The following SPAG5 variants were observed in gnomAD, a reference collection of about 807,000 sequenced individuals.
SPAG5 encodes the protein sperm associated antigen 5, also known as sperm-associated antigen 5.
SPAG5 carries 99 observed loss-of-function variants against 145.4 expected under a neutral mutation model. The ratio of observed to expected loss-of-function variants is 0.68; its 90% CI spans 0.58 to 0.80. The LOEUF (loss-of-function observed/expected upper bound fraction) is 0.80, where lower values mean the gene tolerates loss of function less well. Among genes scored for constraint, SPAG5 ranks in the 30% least tolerant of loss-of-function variants. The probability of loss-of-function intolerance (pLI) is 0.00; values close to 1 mark genes in which losing one functional copy is unlikely to be tolerated. For missense variants in SPAG5, 1,192 were observed against 1,416.0 expected (o/e 0.84, Z 2.54); for synonymous variants, 477 against 525.4 (o/e 0.91, Z 1.26).
chr17:28,598,980 A>G lies in SPAG5; in HGVS notation c.-34T>C, dbSNP rs2070690391. 4 of 1,609,988 alleles carry G rather than the reference A, an allele frequency of 2.5e-6. No individual in the cohort carries two copies. The highest frequency in any genetic ancestry group is 3.4e-6 in the Non-Finnish European group (4 of 1,176,430). On this transcript the variant is annotated 5_prime_UTR_variant, in exon 1 of 24. Transcript: ENST00000321765. The stretch of plus-strand genomic sequence containing the variant: ...AGAAGGCAGGCCTATCACGTCTCAG[A>G]CCAAGTCGAGGACGCCATGTTCACC...
At chr17:28,586,248 G>A in intron 5 of SPAG5, 66 bp from the exon 6 acceptor site, 1 of 1,411,494 alleles carries the variant, frequency 7.1e-7, no homozygotes, top group Middle Eastern at 1.8e-4. Context: ...GGGGCACTGG[G>A]GAGGAAAACC....
Position 28,585,401 on chromosome 17 carries a change from T to A in SPAG5, c.1871A>T (p.His624Leu), listed in dbSNP as rs1316345262. The stretch of plus-strand genomic sequence containing the variant: ...CTGAACCAGCTCTTCTTGCTTGGCA[T>A]GAAGCCCTACCTACAAAAGAAAGAT... ...KDAQTQLVGLHAKQEELVQQT... is the reference protein window; with the variant it reads ...KDAQTQLVGLLAKQEELVQQT... The change falls in exon 9 of 24, where the codon CAT becomes CTT. Residue 624 changes from histidine to leucine, a missense_variant. Physicochemically the swap from His to Leu is moderately conservative, Grantham distance 99. Coordinates refer to ENST00000321765, the MANE Select transcript of SPAG5 (RefSeq NM_006461.4). 1 of 1,614,222 alleles carries A rather than the reference T, an allele frequency of 6.2e-7. No individual in the cohort carries two copies. Among genetic ancestry groups the A allele is most frequent in the Non-Finnish European group, 8.5e-7 (1 of 1,180,032 alleles).
chr17:28,582,130 G>C (rs1755951756), intron 15 of SPAG5, among the ~76,000 whole-genome samples: 1 of 151,954 alleles, frequency 6.6e-6, no homozygotes, highest in Admixed American at 6.6e-5. Context: ...TCAAAATCTG[G>C]CCTCCTGCCT....
Position 28,592,657 on chromosome 17 carries a change from TCCTGAAAGATA to T in SPAG5, c.576_586del (p.Phe194SerfsTer15). On this transcript the variant is annotated frameshift_variant, in exon 3 of 24. Transcript: ENST00000321765. LOFTEE classifies it high-confidence loss of function. ...CTCCTCTAAGAGATGGGACGGAGAT[TCCTGAAAGATA>T]GGTTTCTCAGATACAGCAGCAACTT... 6.2e-7 allele frequency: 1 copy of T among 1,614,138 alleles called. No homozygotes were observed. The highest frequency in any genetic ancestry group is 8.5e-7 in the Non-Finnish European group (1 of 1,180,028).
chr17:28,577,938 G>T, intron 23 of SPAG5, 72 bp downstream of exon 23: 7 of 1,360,626 alleles, frequency 5.1e-6, no homozygotes, highest in Non-Finnish European at 7.4e-6. Context: ...CCAGATCTGT[G>T]CTCATTAGTA....
At chr17:28,581,063 G>C (rs1024842300) in intron 15 of SPAG5, among the ~76,000 whole-genome samples, 14 of 152,140 alleles carry the variant, frequency 9.2e-5, no homozygotes, top group Non-Finnish European at 1.6e-4. Context: ...AGCAGGGAGA[G>C]GGAAGGCTAG....
Position 28,585,896 on chromosome 17 carries a change from T to C in SPAG5, c.1708A>G (p.Arg570Gly). The change falls in exon 7 of 24, where the codon AGA becomes GGA. Residue 570 changes from arginine to glycine, a missense_variant. Arg to Gly is a moderately radical substitution (Grantham distance 125). Around this residue, in one of 5 missense-constraint regions of SPAG5, gnomAD observed 709 missense variants for 840.7 expected, o/e 0.84. Coordinates refer to ENST00000321765, the MANE Select transcript of SPAG5 (RefSeq NM_006461.4). ...TTGCCTCTGAGAGCCATTTCCTCTCTGTGCCTTGCCTCCTCCCTTTCTGCT... is the reference window on the plus strand; with the variant it reads ...TTGCCTCTGAGAGCCATTTCCTCTCCGTGCCTTGCCTCCTCCCTTTCTGCT... The part of the protein sequence containing the change: ...LKAEREEARH[R>G]EEMALRGKDA... 6.2e-7 allele frequency: 1 copy of C among 1,614,256 alleles called. No homozygotes were observed. The highest frequency in any genetic ancestry group is 1.3e-5 in the African/African-American group (1 of 75,068).
intron 2 of SPAG5, among the ~76,000 whole-genome samples, chr17:28,595,041 C>A (rs1019862172): frequency 4.6e-5 from 7 of 151,896 alleles, no homozygotes; most frequent in African/African-American, 1.5e-4. Context: ...GGTCAGATCA[C>A]AAGGTCAGGA....
At position 28,585,879 on chromosome 17, in the gene SPAG5, G is replaced by A. The variant is rs746264585; in HGVS notation, c.1725C>T (p.Leu575=). The stretch of plus-strand genomic sequence containing the variant: ...GTCACCTTACCGCATCCTTGCCTCT[G>A]AGAGCCATTTCCTCTCTGTGCCTTG... The part of the protein sequence containing the change: ...EEARHREEMA[L]RGKDAAEIVL... Residue 575 remains leucine (L), a synonymous_variant, in exon 7 of 24, where the codon CTC becomes CTT. Transcript: ENST00000321765. The A allele has an allele frequency of 1.2e-6, 2 of 1,614,074 alleles. No individual in the cohort carries two copies. The highest frequency in any genetic ancestry group is 1.7e-6 in the Non-Finnish European group (2 of 1,180,040).
Position 28,592,111 on chromosome 17 carries a change from G to A in SPAG5, c.1133C>T (p.Pro378Leu). Residue 378 changes from proline to leucine, a missense_variant, in exon 3 of 24, where the codon CCT becomes CTT. Pro to Leu is a moderately conservative substitution (Grantham distance 98). Coordinates refer to ENST00000321765, the MANE Select transcript of SPAG5 (RefSeq NM_006461.4). ...AGTCCCCACCGAGCAAGTAGAGAAAGGGGTAGTGCCAATTGCAGCATCCCG... is the reference window on the plus strand; with the variant it reads ...AGTCCCCACCGAGCAAGTAGAGAAAAGGGTAGTGCCAATTGCAGCATCCCG... ...MLRDAAIGTT[P>L]FSTCSVGTWF... 1 of 1,614,186 alleles carries A rather than the reference G, an allele frequency of 6.2e-7. No homozygotes were observed. Among genetic ancestry groups the A allele is most frequent in the Non-Finnish European group, 8.5e-7 (1 of 1,180,028 alleles).
rs1177307669 is a variant in SPAG5, at chr17:28,592,521, CAAG to C, written c.720_722del (p.Phe240del). 1 of 1,614,176 alleles carries C rather than the reference CAAG, an allele frequency of 6.2e-7. No homozygotes were observed. The highest frequency in any genetic ancestry group is 8.5e-7 in the Non-Finnish European group (1 of 1,180,036). ...GGGAAAGCCAGAGAACAGAGGAAGG[CAAG>C]AAGGCGTTACTTTCAGAAGGTACTA... is the stretch of plus-strand genomic sequence containing the variant. On this transcript the variant is annotated inframe_deletion, in exon 3 of 24. Transcript: ENST00000321765.
rs1422842771 is a variant in SPAG5 at position 28,592,215 on chromosome 17, C to T, written c.1029G>A (p.Leu343=). The stretch of plus-strand genomic sequence containing the variant: ...TATTTACACCTTTTTCCAGCCAGGC[C>T]AGTGGGGACATCCAAGACTCTGTAT... The part of the protein sequence containing the change: ...GSDTESWMSP[L]AWLEKGVNTS... The change falls in exon 3 of 24, where the codon CTG becomes CTA. Residue 343 remains leucine, a synonymous_variant. Transcript: ENST00000321765. 6.2e-7 allele frequency: 1 copy of T among 1,614,128 alleles called. No homozygotes were observed. Among genetic ancestry groups the T allele is most frequent in the South Asian group, 1.1e-5 (1 of 91,078 alleles).
intron 1 of SPAG5, 118 bp from the exon 2 acceptor site, chr17:28,598,753 T>G: frequency 6.6e-7 from 1 of 1,517,898 alleles, no homozygotes; most frequent in Non-Finnish European, 9.1e-7. Context: ...CGCACCCTAG[T>G]CGCGCAGGAG....
intron 4 of SPAG5, among the ~76,000 whole-genome samples, chr17:28,587,318 G>A (rs923594645): frequency 4.6e-5 from 7 of 151,508 alleles, no homozygotes; most frequent in South Asian, 4.2e-4. Flanking sequence ...AGGTCAAGGC[G>A]GGCGGATCAC....
rs150802105 is a variant in SPAG5, at chr17:28,584,983, T to C, written c.2067+119A>G. 5.3e-5 allele frequency: 51 copies of C among 969,516 alleles called. No homozygotes were observed. In the African/African-American group the frequency reaches 6.1e-4, roughly 12 times the overall value. 60.1% of individuals were successfully genotyped at this position (969,516 alleles called of 1,614,324 possible). On this transcript the variant is annotated intron_variant, in intron 10 of 23. Coordinates refer to ENST00000321765, the MANE Select transcript of SPAG5 (RefSeq NM_006461.4). ...AAGGCCATCTTACAGCTAAGAGACC[T>C]TACTGGCTGGCCTCCAAACCCACAG...
intron 2 of SPAG5, among the ~76,000 whole-genome samples, chr17:28,594,197 T>G (rs1461973486): frequency 1.3e-5 from 2 of 152,186 alleles, no homozygotes; most frequent in Non-Finnish European, 2.9e-5. Flanking sequence ...CAGGACTGAC[T>G]AGAAAAGATA....
rs113504332 is a variant in SPAG5, at chr17:28,591,580, G to A, written c.1437+118C>T. ...GTGACTGCCCAGATTCTCAGCTTTT[G>A]CAAATGTTCTAAGTATAAGCCTGTG... On this transcript the variant is annotated intron_variant, in intron 4 of 23. Transcript: ENST00000321765. 562 of 980,272 alleles carry A rather than the reference G, an allele frequency of 5.7e-4. 6 individuals are homozygous for A. The African/African-American group carries it at 6.2e-3, about 11-fold the overall frequency. 60.7% of individuals were successfully genotyped at this position (980,272 alleles called of 1,614,324 possible).
chr17:28,594,959 C>CAA (rs574650095), intron 2 of SPAG5, among the ~76,000 whole-genome samples: 7 of 143,716 alleles, frequency 4.9e-5, no homozygotes, highest in Admixed American at 6.9e-5. Flanking sequence ...GACCCTGTCT[C>CAA]AAAAAAAAAA....
chr17:28,594,615 A>G (rs1264171090), intron 2 of SPAG5, among the ~76,000 whole-genome samples: 1 of 151,976 alleles, frequency 6.6e-6, no homozygotes, highest in East Asian at 1.9e-4. Flanking sequence ...AATAATAATA[A>G]TCAAACATAT....
Sources: gnomAD v4.1 joint callset for allele counts (sites outside exome capture counted in the v4.1 genomes callset) on GRCh38, gnomAD v4.1.1 for gene constraint, gnomAD v4.1.1 regional missense constraint, MANE v1.5 for transcripts, NCBI Gene and HGNC (gene_info 2026-07-23, HGNC 2026-07-21) for gene names.